Variants in EPYC observed in about 807,000 individuals in gnomAD.
EPYC encodes the protein dermatan sulfate proteoglycan 3.
EPYC carries 28 observed loss-of-function variants against 30.1 expected under a neutral mutation model. That is an observed-to-expected ratio of 0.93 (90% CI 0.69 to 1.28). The LOEUF (loss-of-function observed/expected upper bound fraction) is 1.28. EPYC is among the 50% of genes most tolerant of loss of function. The pLI is 0.00. For missense variants in EPYC, 382 were observed against 383.5 expected, an observed-to-expected ratio of 1.00 and a Z score of 0.03; for synonymous variants, 144 against 141.4, an observed-to-expected ratio of 1.02 and a Z score of -0.13.
In EPYC at chr12:90,978,106, C is replaced by T. The variant is rs750463324; in HGVS notation, c.322G>A (p.Gly108Arg). 3 of 1,581,564 alleles carry T rather than the reference C, an allele frequency of 1.9e-6. No homozygotes were observed. The highest frequency in any genetic ancestry group is 2.6e-6 in the Non-Finnish European group (3 of 1,168,392). Residue 108 changes from glycine (G) to arginine (R), a missense_variant, in exon 3 of 7, where the codon GGG becomes AGG. Physicochemically the swap from Gly to Arg is moderately radical, Grantham distance 125. Coordinates refer to ENST00000261172, the MANE Select transcript of EPYC (RefSeq NM_004950.5). Reference sequence around the variant, plus strand: ...ACCTGACCTTCATTTGTGTGTGGCCCCAGAACCCCTGTGAATTCAGGCTCC... The same window carrying T: ...ACCTGACCTTCATTTGTGTGTGGCCTCAGAACCCCTGTGAATTCAGGCTCC... ...PQEPEFTGVLGPHTNEDFPTC... is the reference protein window; with the variant it reads ...PQEPEFTGVLRPHTNEDFPTC...
intron 2 of EPYC, among the ~76,000 whole-genome samples, chr12:90,999,151 T>C (rs1169671355): frequency 6.6e-6 from 1 of 152,058 alleles, no homozygotes; most frequent in Non-Finnish European, 1.5e-5. Context: ...CTGTGCCATA[T>C]AGTATAGCCC....
chr12:91,001,962 G>A lies in EPYC; in HGVS notation c.165+439C>T, dbSNP rs148973379. Among the ~76,000 whole-genome samples, 438 of 152,000 alleles carry A rather than the reference G, an allele frequency of 2.9e-3. 4 individuals are homozygous for A. Among genetic ancestry groups the A allele is most frequent in the African/African-American group, 0.01 (424 of 41,476 alleles). Reference sequence around the variant, plus strand: ...CCAGCATTTGGGAAGGCTGAGGGGGGTGCATCACGAGGTCAAGAGATCAAG... The same window carrying A: ...CCAGCATTTGGGAAGGCTGAGGGGGATGCATCACGAGGTCAAGAGATCAAG... On this transcript the variant is annotated intron_variant, in intron 2 of 6. Coordinates refer to ENST00000261172, the MANE Select transcript of EPYC (RefSeq NM_004950.5).
intron 1 of EPYC, 99 bp from the exon 2 acceptor site, chr12:91,002,677 T>G (rs1203100992): frequency 3.3e-6 from 3 of 908,124 alleles, no homozygotes; most frequent in South Asian, 1.7e-5. Context: ...ATCAAAGAAC[T>G]CAAGCTGGTA....
At chr12:90,964,447 A>G (rs942473441) in intron 6 of EPYC, 121 bp from the exon 7 acceptor site, 2 of 671,318 alleles carry the variant, frequency 3.0e-6, no homozygotes, top group African/African-American at 3.6e-5. Flanking sequence ...AATCAAAATT[A>G]CTTAATGTAT....
In EPYC at chr12:90,971,914, A is replaced by G; in HGVS notation, c.588T>C (p.Leu196=). 6.2e-7 allele frequency: 1 copy of G among 1,612,318 alleles called. No homozygotes were observed. The highest frequency in any genetic ancestry group is 2.2e-5 in the East Asian group (1 of 44,736). Residue 196 remains leucine, a synonymous_variant, in exon 5 of 7, where the codon CTT becomes CTC. Coordinates refer to ENST00000261172, the MANE Select transcript of EPYC (RefSeq NM_004950.5). ...AFRKLPQLRE[L]VLRDNKIRQL... The stretch of plus-strand genomic sequence containing the variant: ...GCCTTATTTTGTTGTCACGCAGGAC[A>G]AGCTCTCGAAGTTGAGGCAGTTTTC...
In EPYC at chr12:90,998,249, G is replaced by A. The variant is rs192882862; in HGVS notation, c.165+4152C>T. Among the ~76,000 whole-genome samples, 11 of 152,126 alleles carry A rather than the reference G, an allele frequency of 7.2e-5. No individual in the cohort carries two copies. The East Asian group carries it at 1.7e-3, about 24-fold the overall frequency. The stretch of plus-strand genomic sequence containing the variant: ...AAAAAGTCTACATTTTGATCATATA[G>A]CCTACAACCCATTCCTATTCACAGC... On this transcript the variant is annotated intron_variant, in intron 2 of 6. Transcript: ENST00000261172.
intron 6 of EPYC, among the ~76,000 whole-genome samples, chr12:90,968,963 C>A (rs1876966620): frequency 6.7e-6 from 1 of 150,236 alleles, no homozygotes; most frequent in Non-Finnish European, 1.5e-5. Context: ...TCAGACAAAC[C>A]TACAAAAGAG....
intron 6 of EPYC, among the ~76,000 whole-genome samples, chr12:90,968,745 C>G (rs991543737): frequency 6.6e-6 from 1 of 151,928 alleles, no homozygotes; most frequent in Non-Finnish European, 1.5e-5. Flanking sequence ...ATCAATATCA[C>G]CCCAGATAAT....
chr12:90,974,868 C>A (rs1305733687), intron 3 of EPYC, among the ~76,000 whole-genome samples: 1 of 152,026 alleles, frequency 6.6e-6, no homozygotes. Context: ...ATCTCTATGA[C>A]ATAAACTAGA....
At position 90,972,988 on chromosome 12, in the gene EPYC, A is replaced by G; in HGVS notation, c.341-8T>C. 1.3e-6 allele frequency: 2 copies of G among 1,536,462 alleles called. No homozygotes were observed. Among genetic ancestry groups the G allele is most frequent in the Non-Finnish European group, 1.8e-6 (2 of 1,131,116 alleles). On this transcript the variant is annotated splice_region_variant and splice_polypyrimidine_tract_variant and intron_variant, in intron 3 of 6. Coordinates refer to ENST00000261172, the MANE Select transcript of EPYC (RefSeq NM_004950.5). ...AAAGACAGGTTGGAAAGTCTAAAAG[A>G]TAAAGGAAAATAAAATTAAATGTAA... is the stretch of plus-strand genomic sequence containing the variant.
chr12:90,971,381 T>G (rs1236458960), intron 5 of EPYC, among the ~76,000 whole-genome samples: 1 of 152,118 alleles, frequency 6.6e-6, no homozygotes, highest in African/African-American at 2.4e-5. Flanking sequence ...TTAAATCCCC[T>G]TATAGAAGTT....
intron 6 of EPYC, among the ~76,000 whole-genome samples, chr12:90,966,414 C>T (rs1876897379): frequency 6.6e-6 from 1 of 151,874 alleles, no homozygotes; most frequent in Non-Finnish European, 1.5e-5. Flanking sequence ...TGGTTTTAAG[C>T]CCTTTATTCT....
At chr12:90,976,713 A>G (rs1448799177) in intron 3 of EPYC, among the ~76,000 whole-genome samples, 3 of 152,096 alleles carry the variant, frequency 2.0e-5, no homozygotes, top group Non-Finnish European at 4.4e-5. Context: ...CCCCACTCAA[A>G]TCTCATCTTG....
chr12:90,981,660 C>CA (rs1269338470), intron 2 of EPYC, among the ~76,000 whole-genome samples: 1 of 151,892 alleles, frequency 6.6e-6, no homozygotes, highest in Non-Finnish European at 1.5e-5. Flanking sequence ...GTCTTAATTT[C>CA]AGGGTAAAAA....
intron 5 of EPYC, 128 bp from the exon 6 acceptor site, chr12:90,970,267 G>T: frequency 1.5e-6 from 1 of 676,506 alleles, no homozygotes; most frequent in East Asian, 2.8e-5. Context: ...TTCCAGTTCA[G>T]GTCTTGTTTT....
intron 6 of EPYC, among the ~76,000 whole-genome samples, chr12:90,969,247 G>A (rs867722500): frequency 3.3e-5 from 5 of 151,738 alleles, no homozygotes; most frequent in African/African-American, 1.2e-4. Context: ...TTGTTTCTTT[G>A]AGCATGAAAT....
Position 90,980,777 on chromosome 12 carries a change from C to A in EPYC, c.166-2515G>T, listed in dbSNP as rs186211025. 2.0e-5 allele frequency among the ~76,000 whole-genome samples: 3 copies of A among 152,288 alleles called. No homozygotes were observed. The East Asian group carries it at 5.8e-4, about 29-fold the overall frequency. On this transcript the variant is annotated intron_variant, in intron 2 of 6. Transcript: ENST00000261172. Reference sequence around the variant, plus strand: ...CCTCTTCTACAAATATTCATAAATTCTTTCAGCTTTATGCTCTATTCTTTT... The same window carrying A: ...CCTCTTCTACAAATATTCATAAATTATTTCAGCTTTATGCTCTATTCTTTT...
intron 2 of EPYC, among the ~76,000 whole-genome samples, chr12:90,992,204 A>G (rs962229696): frequency 3.9e-5 from 6 of 152,148 alleles, no homozygotes; most frequent in African/African-American, 1.4e-4. Context: ...TTGCATTCCT[A>G]TGAGAGTCTA....
intron 5 of EPYC, among the ~76,000 whole-genome samples, chr12:90,970,850 G>A (rs950566237): frequency 2.0e-5 from 3 of 152,208 alleles, no homozygotes; most frequent in Non-Finnish European, 4.4e-5. Flanking sequence ...TGAGAATACT[G>A]TGGTGTCTCT....
Sources: allele counts gnomAD v4.1 joint callset (sites outside exome capture counted in the v4.1 genomes callset), GRCh38; gene constraint gnomAD v4.1.1; transcripts MANE v1.5; gene names NCBI Gene and HGNC (gene_info 2026-07-23, HGNC 2026-07-21).